The following DOCK3 variants were observed in gnomAD, a reference collection of about 807,000 sequenced individuals.
The protein encoded by DOCK3 is dedicator of cytokinesis protein 3.
A neutral mutation model predicts 265.6 loss-of-function variants in DOCK3; 60 were observed. The observed-to-expected ratio is 0.23, with a 90% CI of 0.18 to 0.28. The LOEUF (loss-of-function observed/expected upper bound fraction) is 0.28, where lower values mean the gene tolerates loss of function less well. Ranked by LOEUF, DOCK3 falls within the 10% of genes least tolerant of loss-of-function variation. DOCK3 has a pLI of 1.00. For synonymous variants in DOCK3, 881 were observed against 938.0 expected, an observed-to-expected ratio of 0.94 and a Z score of 1.11; for missense variants, 1,981 against 2,594.3, an observed-to-expected ratio of 0.76 and a Z score of 5.14.
chr3:50,918,044 A>G (rs1240571865), intron 4 of DOCK3, among the ~76,000 whole-genome samples: 1 of 152,042 alleles, frequency 6.6e-6, no homozygotes, highest in Non-Finnish European at 1.5e-5. Flanking sequence ...TTTGCTGAGA[A>G]TGATGGTTTC....
At chr3:51,021,725 G>A (rs865834010) in intron 5 of DOCK3, among the ~76,000 whole-genome samples, 3 of 150,428 alleles carry the variant, frequency 2.0e-5, no homozygotes, top group Non-Finnish European at 2.9e-5. Context: ...GCAATGGTGC[G>A]ATCTCAGCTC....
chr3:50,928,128 G>GATATAT (rs35440218), intron 4 of DOCK3, among the ~76,000 whole-genome samples: 57 of 142,906 alleles, frequency 4.0e-4, no homozygotes, highest in Admixed American at 6.3e-4. Context: ...TTATTGTGAT[G>GATATAT]ATATATATAT....
Position 50,931,928 on chromosome 3 carries a change from A to G in DOCK3, c.219-2053A>G, listed in dbSNP as rs9843246. ...TCTTCTTACCCTCTTCACTGCATCT[A>G]TTCTGGATTTTTTGCCTCAGTGGTG... is the stretch of plus-strand genomic sequence containing the variant. On this transcript the variant is annotated intron_variant, in intron 4 of 52. Transcript: ENST00000266037. Among the ~76,000 whole-genome samples the G allele has an allele frequency of 2.8e-3, 420 of 152,232 alleles. 1 individual carries two copies. Among genetic ancestry groups the G allele is most frequent in the African/African-American group, 9.7e-3 (402 of 41,554 alleles).
At chr3:50,845,061 A>G (rs2046016314) in intron 3 of DOCK3, among the ~76,000 whole-genome samples, 1 of 152,118 alleles carries the variant, frequency 6.6e-6, no homozygotes, top group Non-Finnish European at 1.5e-5. Context: ...TCTCTCTACT[A>G]AAAGTACAAA....
intron 6 of DOCK3, among the ~76,000 whole-genome samples, chr3:51,074,315 G>T (rs1172112959): frequency 6.6e-6 from 1 of 152,106 alleles, no homozygotes; most frequent in Non-Finnish European, 1.5e-5. Flanking sequence ...TGAATTCCTG[G>T]TTTAGAGCTG....
At chr3:50,710,321 A>C (rs1256546226) in intron 1 of DOCK3, among the ~76,000 whole-genome samples, 1 of 151,982 alleles carries the variant, frequency 6.6e-6, no homozygotes, top group Non-Finnish European at 1.5e-5. Flanking sequence ...AGCAAGAATA[A>C]AAACAAATAA....
intron 5 of DOCK3, among the ~76,000 whole-genome samples, chr3:50,949,205 A>G (rs143085723): frequency 1.3e-5 from 2 of 152,304 alleles, no homozygotes; most frequent in African/African-American, 4.8e-5. Context: ...TTTGGAATAT[A>G]CCACAGTGAA....
rs575059517 is a variant in DOCK3, at chr3:51,091,155, G to A, written c.746+771G>A. Reference sequence around the variant, plus strand: ...AATGGCTCCTAGTATGTGCCCTTGGGAAAGTTATTGTAGAGAAGGTAGTAG... The same window carrying A: ...AATGGCTCCTAGTATGTGCCCTTGGAAAAGTTATTGTAGAGAAGGTAGTAG... On this transcript the variant is annotated intron_variant, in intron 9 of 52. Transcript: ENST00000266037. Among the ~76,000 whole-genome samples the A allele has an allele frequency of 2.3e-4, 35 of 152,276 alleles. 1 individual carries two copies. In the East Asian group the frequency reaches 5.0e-3, roughly 22 times the overall value.
At chr3:51,041,805 G>A (rs903154792) in intron 5 of DOCK3, among the ~76,000 whole-genome samples, 1 of 152,178 alleles carries the variant, frequency 6.6e-6, no homozygotes, top group Non-Finnish European at 1.5e-5. Context: ...AGCATAAGAA[G>A]AGTAGAATTA....
intron 5 of DOCK3, among the ~76,000 whole-genome samples, chr3:50,953,629 CATAG>C (rs2076651554): frequency 6.6e-6 from 1 of 151,962 alleles, no homozygotes; most frequent in Non-Finnish European, 1.5e-5. Context: ...TATACAAATA[CATAG>C]ATAGGTTCTT....
At chr3:51,079,621 G>A (rs1354638139) in intron 7 of DOCK3, among the ~76,000 whole-genome samples, 4 of 152,016 alleles carry the variant, frequency 2.6e-5, no homozygotes, top group Non-Finnish European at 4.4e-5. Context: ...CCAAAATGCT[G>A]GGATTACAGG....
intron 1 of DOCK3, among the ~76,000 whole-genome samples, chr3:50,763,847 G>A (rs1000473038): frequency 6.6e-6 from 1 of 151,890 alleles, no homozygotes; most frequent in Admixed American, 6.6e-5. Flanking sequence ...TGGTTTCATC[G>A]ATTTCTTTGC....
At chr3:50,764,169 T>C (rs2040712444) in intron 1 of DOCK3, among the ~76,000 whole-genome samples, 1 of 152,178 alleles carries the variant, frequency 6.6e-6, no homozygotes, top group African/African-American at 2.4e-5. Flanking sequence ...TTGGGAATAC[T>C]GTGCTGAGTG....
intron 1 of DOCK3, among the ~76,000 whole-genome samples, chr3:50,753,998 A>G (rs2039998406): frequency 6.6e-6 from 1 of 151,992 alleles, no homozygotes; most frequent in African/African-American, 2.4e-5. Flanking sequence ...TCTACTAAAA[A>G]TACAAAAATT....
intron 12 of DOCK3, among the ~76,000 whole-genome samples, chr3:51,202,845 A>C (rs944125282): frequency 7.9e-5 from 12 of 151,386 alleles, no homozygotes; most frequent in African/African-American, 2.5e-4. Context: ...TCATGCTGGG[A>C]TGCAAGGCTG....
Position 51,381,236 on chromosome 3 carries a change from G to A in DOCK3, c.5770G>A (p.Ala1924Thr). The A allele has an allele frequency of 6.2e-7, 1 of 1,613,890 alleles. No homozygotes were observed. The highest frequency in any genetic ancestry group is 8.5e-7 in the Non-Finnish European group (1 of 1,179,858). ...MDSMPSQAWN[A>T]DEDLEPPYLP... ...CTCCATGCCAAGTCAGGCCTGGAAT[G>A]CTGACGAAGATCTTGAGCCACCCTA... The change falls in exon 53 of 53, where the codon GCT (alanine) becomes ACT (threonine). Residue 1924 changes from alanine (A) to threonine (T), a missense_variant. Ala to Thr is a moderately conservative substitution (Grantham distance 58, BLOSUM62 0). Transcript: ENST00000266037. This position sits in a 1 kb window ranked among gnomAD's most constrained non-coding sequence, Gnocchi z 5.6.
chr3:50,871,266 A>G (rs181819775), intron 3 of DOCK3, among the ~76,000 whole-genome samples: 2 of 142,604 alleles, frequency 1.4e-5, no homozygotes, highest in Non-Finnish European at 3.1e-5. Flanking sequence ...TTTTAAGTGT[A>G]TTTTCCCTGG....
intron 2 of DOCK3, among the ~76,000 whole-genome samples, chr3:50,784,409 A>G (rs1254814861): frequency 2.0e-5 from 3 of 152,312 alleles, no homozygotes; most frequent in Non-Finnish European, 4.4e-5. Context: ...TTTGGTGACT[A>G]TAGCCTTATA....
intron 23 of DOCK3, among the ~76,000 whole-genome samples, chr3:51,260,601 G>A (rs1364233645): frequency 1.3e-5 from 2 of 152,166 alleles, no homozygotes; most frequent in Non-Finnish European, 2.9e-5. Context: ...AGTTTATTTA[G>A]CTACCATACT....
Sources: gnomAD v4.1 joint callset for allele counts (sites outside exome capture counted in the v4.1 genomes callset) on GRCh38, gnomAD v4.1.1 for gene constraint, Gnocchi (gnomAD v3.1) non-coding constraint, MANE v1.5 for transcripts, NCBI Gene and HGNC (gene_info 2026-07-23, HGNC 2026-07-21) for gene names.